PDE4D: variants seen among roughly 807,000 people sequenced by gnomAD.
The protein encoded by PDE4D is phosphodiesterase 4D, also known as 3',5'-cyclic-AMP phosphodiesterase 4D.
PDE4D carries 24 observed loss-of-function variants against 87.4 expected under a neutral mutation model. The observed-to-expected ratio is 0.27, with a 90% CI of 0.20 to 0.39. PDE4D has a LOEUF of 0.39. PDE4D is among the 10% of genes least tolerant of loss of function. The probability of loss-of-function intolerance (pLI) is 1.00; values close to 1 mark genes in which losing one functional copy is unlikely to be tolerated. For synonymous variants in PDE4D, 384 were observed against 383.2 expected (o/e 1.00, Z -0.02); for missense variants, 714 against 1,041.0 (o/e 0.69, Z 4.32).
chr5:60,223,073 C>G (rs1181012889), intron 1 of PDE4D, among the ~76,000 whole-genome samples: 1 of 152,028 alleles, frequency 6.6e-6, no homozygotes, highest in East Asian at 1.9e-4. Context: ...TGGGATCCTT[C>G]TTGTTAAGTG....
intron 1 of PDE4D, among the ~76,000 whole-genome samples, chr5:60,493,473 A>G (rs1749641393): frequency 6.6e-6 from 1 of 152,246 alleles, no homozygotes; most frequent in Non-Finnish European, 1.5e-5. Flanking sequence ...GAGCAAGAGA[A>G]TATCAACTGA....
chr5:59,768,432 G>A (rs1763078537), intron 1 of PDE4D: 2 of 1,598,242 alleles, frequency 1.3e-6, no homozygotes, highest in East Asian at 2.2e-5. Context: ...CAAGGTCTTC[G>A]TTCAGCCACG....
chr5:59,662,792 T>C (rs1046630079), intron 1 of PDE4D, among the ~76,000 whole-genome samples: 1 of 152,200 alleles, frequency 6.6e-6, no homozygotes, highest in African/African-American at 2.4e-5. Flanking sequence ...TGAGAGTGGG[T>C]GAGAGTCCTA....
chr5:59,776,238 C>A (rs1162003242), intron 1 of PDE4D, among the ~76,000 whole-genome samples: 1 of 152,094 alleles, frequency 6.6e-6, no homozygotes, highest in African/African-American at 2.4e-5. Context: ...AAGTCACCTT[C>A]AACAAGTTCA....
chr5:60,387,610 C>T (rs1762281673), intron 1 of PDE4D, among the ~76,000 whole-genome samples: 1 of 152,202 alleles, frequency 6.6e-6, no homozygotes, highest in Non-Finnish European at 1.5e-5. Context: ...CCCTGGGGAC[C>T]TTGTTCTAGG....
intron 1 of PDE4D, among the ~76,000 whole-genome samples, chr5:59,823,213 A>G (rs1361951374): frequency 1.3e-5 from 2 of 152,148 alleles, no homozygotes; most frequent in East Asian, 3.9e-4. Context: ...AAGGCTAATA[A>G]AATCAAACTC....
At chr5:59,740,377 GAA>G (rs1041425520) in intron 1 of PDE4D, among the ~76,000 whole-genome samples, 8 of 152,092 alleles carry the variant, frequency 5.3e-5, no homozygotes, top group Non-Finnish European at 7.4e-5. Context: ...TTCTAAAAGG[GAA>G]AAGAGTGTGG....
chr5:59,943,844 G>T (rs1757442407), intron 3 of PDE4D, among the ~76,000 whole-genome samples: 1 of 152,114 alleles, frequency 6.6e-6, no homozygotes, highest in Admixed American at 6.5e-5. Context: ...CTTTAATTGT[G>T]CAGTAACAAT....
chr5:59,264,286 C>T (rs545024628), intron 1 of PDE4D, among the ~76,000 whole-genome samples: 37 of 151,940 alleles, frequency 2.4e-4, no homozygotes, highest in South Asian at 6.2e-4. Context: ...TTACAAGTTG[C>T]CCATAGATTA....
chr5:59,096,269 A>C (rs1321219044), intron 5 of PDE4D, among the ~76,000 whole-genome samples: 7 of 152,196 alleles, frequency 4.6e-5, no homozygotes, highest in Non-Finnish European at 2.9e-5. Flanking sequence ...TGAGCTACAA[A>C]TAAATGTAAC....
intron 1 of PDE4D, among the ~76,000 whole-genome samples, chr5:60,423,714 T>A (rs1022892777): frequency 2.1e-5 from 3 of 144,328 alleles, no homozygotes; most frequent in Non-Finnish European, 3.0e-5. Flanking sequence ...CTGAAGGAGA[T>A]AGAGACACAC....
At chr5:59,477,920 C>T (rs1019964009) in intron 1 of PDE4D, among the ~76,000 whole-genome samples, 1 of 152,182 alleles carries the variant, frequency 6.6e-6, no homozygotes, top group Non-Finnish European at 1.5e-5. Flanking sequence ...AGGCCATAAT[C>T]CTAAGCAAAT....
chr5:60,185,841 C>T (rs1784733632), intron 1 of PDE4D, among the ~76,000 whole-genome samples: 1 of 150,656 alleles, frequency 6.6e-6, no homozygotes. Flanking sequence ...TATACATAAG[C>T]AACATTTCCA....
rs111542593 is a variant in PDE4D at position 60,207,597 on chromosome 5, A to T, written c.-89-21910T>A. On this transcript the variant is annotated intron_variant, in intron 1 of 16. Transcript: ENST00000502484. ...TCAGAATTTCAGTTCAAATAGGAAT[A>T]ATGTATTTTTACACTGTTTTTATAA... is the stretch of plus-strand genomic sequence containing the variant. Among the ~76,000 whole-genome samples, 261 of 152,370 alleles carry T rather than the reference A, an allele frequency of 1.7e-3. 1 individual carries two copies. Among genetic ancestry groups the T allele is most frequent in the African/African-American group, 5.9e-3 (246 of 41,580 alleles).
chr5:59,448,495 C>T (rs1461914935), intron 1 of PDE4D, among the ~76,000 whole-genome samples: 1 of 152,168 alleles, frequency 6.6e-6, no homozygotes, highest in Non-Finnish European at 1.5e-5. Flanking sequence ...CAATAATACA[C>T]TAAAGTTTGC....
intron 1 of PDE4D, among the ~76,000 whole-genome samples, chr5:59,571,613 A>G (rs1424060746): frequency 6.6e-6 from 1 of 152,176 alleles, no homozygotes; most frequent in Admixed American, 6.5e-5. Flanking sequence ...TCTTTTACTC[A>G]TGGCCAGGTC....
chr5:59,686,541 T>C (rs1054896872), intron 1 of PDE4D, among the ~76,000 whole-genome samples: 2 of 152,126 alleles, frequency 1.3e-5, no homozygotes, highest in East Asian at 1.9e-4. Context: ...ATTTTAAAAA[T>C]AGAAATGATC....
intron 1 of PDE4D, among the ~76,000 whole-genome samples, chr5:59,438,862 AC>A (rs1426360200): frequency 1.3e-5 from 2 of 152,262 alleles, no homozygotes; most frequent in Non-Finnish European, 2.9e-5. Flanking sequence ...TAGAAAAGAA[AC>A]AAAAGTGATC....
chr5:59,551,471 TCACACACA>T (rs34301317), intron 1 of PDE4D, among the ~76,000 whole-genome samples: 3 of 148,880 alleles, frequency 2.0e-5, no homozygotes, highest in East Asian at 3.9e-4. Context: ...GCTACTTCAG[TCACACACA>T]CACACACACA....
Sources: gnomAD v4.1 joint callset for allele counts (sites outside exome capture counted in the v4.1 genomes callset) on GRCh38, gnomAD v4.1.1 for gene constraint, MANE v1.5 for transcripts, NCBI Gene and HGNC (gene_info 2026-07-23, HGNC 2026-07-21) for gene names.